Variants in CDH19 observed in about 807,000 individuals in gnomAD.
CDH19 encodes the protein cadherin 19, also known as cadherin-19.
A neutral mutation model predicts 64.2 loss-of-function variants in CDH19; 67 were observed. That is an observed-to-expected ratio of 1.04 (90% CI 0.86 to 1.28). The LOEUF (loss-of-function observed/expected upper bound fraction) is 1.28, where lower values mean the gene tolerates loss of function less well. Ranked by LOEUF, CDH19 falls within the 50% of genes most tolerant of loss-of-function variation. The probability of loss-of-function intolerance (pLI) is 0.00; values close to 1 mark genes in which losing one functional copy is unlikely to be tolerated. For synonymous variants in CDH19, 346 were observed against 319.3 expected (o/e 1.08, Z -0.89); for missense variants, 1,030 against 929.0 (o/e 1.11, Z -1.41).
chr18:66,566,445 T>C (rs1987915269), intron 3 of CDH19, among the ~76,000 whole-genome samples: 1 of 151,870 alleles, frequency 6.6e-6, no homozygotes, highest in African/African-American at 2.4e-5. Context: ...AAAAGTCCTC[T>C]TGACCTTCAT....
chr18:66,588,614 C>CTA (rs1321459056), intron 1 of CDH19, among the ~76,000 whole-genome samples: 2 of 113,666 alleles, frequency 1.8e-5, no homozygotes, highest in African/African-American at 5.5e-5. Context: ...TCATATATAT[C>CTA]TATATCTATA....
intron 1 of CDH19, among the ~76,000 whole-genome samples, chr18:66,578,493 T>C (rs1166024842): frequency 1.3e-5 from 2 of 151,830 alleles, no homozygotes; most frequent in Admixed American, 6.6e-5. Context: ...GAAGAGAACA[T>C]AGAGCAACTG....
intron 3 of CDH19, among the ~76,000 whole-genome samples, chr18:66,565,191 G>C (rs952449820): frequency 6.6e-6 from 1 of 151,846 alleles, no homozygotes; most frequent in African/African-American, 2.4e-5. Context: ...AATTGGGAAA[G>C]CATAATGTTT....
chr18:66,526,905 C>T (rs191168975), intron 9 of CDH19, among the ~76,000 whole-genome samples: 5 of 151,506 alleles, frequency 3.3e-5, no homozygotes, highest in African/African-American at 1.2e-4. Flanking sequence ...ACTGGCACAC[C>T]ATCTTTTAGT....
intron 1 of CDH19, among the ~76,000 whole-genome samples, chr18:66,600,870 C>T (rs1238165871): frequency 6.6e-6 from 1 of 151,750 alleles, no homozygotes; most frequent in African/African-American, 2.4e-5. Context: ...CAAAAATAAA[C>T]CAATGTCTTA....
chr18:66,501,603 C>T lies in CDH19; in HGVS notation c.*3209G>A, dbSNP rs560888666. On this transcript the variant is annotated 3_prime_UTR_variant, in exon 12 of 12. Transcript: ENST00000262150. The stretch of plus-strand genomic sequence containing the variant: ...GTGCCGTGAGGCTGTTGAGATCACT[C>T]AGAATTGGAAAAGAAACAGACCATG... The T allele has an allele frequency of 6.6e-6, 1 of 152,102 alleles. No homozygotes were observed. Among genetic ancestry groups the T allele is most frequent in the African/African-American group, 2.4e-5 (1 of 41,422 alleles). 9.4% of individuals were successfully genotyped at this position (152,102 alleles called of 1,614,324 possible). A position where few individuals can be genotyped will look rare whatever the true frequency, so the allele number is the denominator to read the frequency against.
chr18:66,593,948 AAGAT>A (rs1319259620), intron 1 of CDH19, among the ~76,000 whole-genome samples: 2 of 152,098 alleles, frequency 1.3e-5, no homozygotes, highest in Admixed American at 1.3e-4. Flanking sequence ...GATTTTTTAG[AAGAT>A]AGATAATGTG....
At chr18:66,557,412 C>T (rs1987558649) in intron 3 of CDH19, among the ~76,000 whole-genome samples, 1 of 151,904 alleles carries the variant, frequency 6.6e-6, no homozygotes, top group South Asian at 2.1e-4. Flanking sequence ...AGTGGAGAAT[C>T]TAATGTATTC....
intron 1 of CDH19, among the ~76,000 whole-genome samples, chr18:66,594,801 A>G (rs907344747): frequency 2.8e-5 from 4 of 141,138 alleles, no homozygotes; most frequent in Non-Finnish European, 4.5e-5. Context: ...TGGGAATTGA[A>G]CAATGAGAAC....
At chr18:66,510,565 A>G (rs565634755) in intron 10 of CDH19, among the ~76,000 whole-genome samples, 177 of 140,950 alleles carry the variant, frequency 1.3e-3, no homozygotes, top group African/African-American at 4.3e-3. Flanking sequence ...TAAATAAAAT[A>G]ACGTTGAAGT....
At chr18:66,579,525 C>G (rs1435438743) in intron 1 of CDH19, among the ~76,000 whole-genome samples, 13 of 151,928 alleles carry the variant, frequency 8.6e-5, no homozygotes, top group Non-Finnish European at 1.6e-4. Context: ...TTTTATCACA[C>G]TCACCACAAG....
chr18:66,542,089 C>T (rs1986909186), intron 7 of CDH19, among the ~76,000 whole-genome samples: 1 of 152,078 alleles, frequency 6.6e-6, no homozygotes, highest in Non-Finnish European at 1.5e-5. Flanking sequence ...TCTTAATCAT[C>T]AAAGCATTTT....
chr18:66,547,597 T>C (rs527634961), intron 5 of CDH19, among the ~76,000 whole-genome samples: 59 of 151,432 alleles, frequency 3.9e-4, no homozygotes, highest in Non-Finnish European at 6.6e-4. Context: ...TGGGAAAATC[T>C]GTTGGAAAAA....
intron 1 of CDH19, among the ~76,000 whole-genome samples, chr18:66,595,229 C>A (rs1174723989): frequency 4.0e-5 from 6 of 151,276 alleles, no homozygotes; most frequent in African/African-American, 1.5e-4. Context: ...TCTTAAATGT[C>A]CATATCAAAA....
At chr18:66,513,415 T>C (rs1358691874) in intron 9 of CDH19, among the ~76,000 whole-genome samples, 1 of 151,506 alleles carries the variant, frequency 6.6e-6, no homozygotes, top group Non-Finnish European at 1.5e-5. Flanking sequence ...CAATAAGATA[T>C]GTTTTACTGG....
chr18:66,554,600 C>A, intron 3 of CDH19, 76 bp from the exon 4 acceptor site: 4 of 1,195,244 alleles, frequency 3.3e-6, no homozygotes, highest in Non-Finnish European at 3.5e-6. Flanking sequence ...AGCGGTCTTT[C>A]TTTACCAAGC....
intron 4 of CDH19, among the ~76,000 whole-genome samples, chr18:66,552,930 A>G (rs1312100248): frequency 7.5e-6 from 1 of 132,630 alleles, no homozygotes; most frequent in Non-Finnish European, 1.5e-5. Flanking sequence ...TAAGAGTTTC[A>G]ACTCTTTCCC....
At chr18:66,519,182 G>A (rs1985874087) in intron 9 of CDH19, among the ~76,000 whole-genome samples, 1 of 152,130 alleles carries the variant, frequency 6.6e-6, no homozygotes, top group Non-Finnish European at 1.5e-5. Context: ...TGTGTGCAAT[G>A]TCAAGTGTAC....
At chr18:66,600,840 G>A (rs968325794) in intron 1 of CDH19, among the ~76,000 whole-genome samples, 3 of 151,704 alleles carry the variant, frequency 2.0e-5, no homozygotes, top group Non-Finnish European at 3.0e-5. Context: ...ATAAGCATTC[G>A]ATAAAAGAGA....
Sources: gnomAD v4.1 joint callset for allele counts (sites outside exome capture counted in the v4.1 genomes callset) on GRCh38, gnomAD v4.1.1 for gene constraint, MANE v1.5 for transcripts, NCBI Gene and HGNC (gene_info 2026-07-23, HGNC 2026-07-21) for gene names.